The following MAPK8 variants were observed in gnomAD, a reference collection of about 807,000 sequenced individuals.
MAPK8 encodes mitogen-activated protein kinase 8.
MAPK8 carries 13 observed loss-of-function variants against 52.9 expected under a neutral mutation model. That is an observed-to-expected ratio of 0.25 (90% CI 0.16 to 0.39). The LOEUF (loss-of-function observed/expected upper bound fraction) is 0.39, where lower values mean the gene tolerates loss of function less well. MAPK8 is among the 10% of genes least tolerant of loss of function. MAPK8 has a pLI of 1.00. For missense variants in MAPK8, 300 were observed against 519.2 expected (o/e 0.58, Z 4.10); for synonymous variants, 191 against 169.8 (o/e 1.12, Z -0.97).
At chr10:48,389,183 G>A (rs2041490451) in intron 1 of MAPK8, among the ~76,000 whole-genome samples, 1 of 152,114 alleles carries the variant, frequency 6.6e-6, no homozygotes, top group Non-Finnish European at 1.5e-5. Flanking sequence ...AGATGCATTT[G>A]TATGGTGGCA....
chr10:48,310,509 T>A (rs902403225), intron 1 of MAPK8, among the ~76,000 whole-genome samples: 20 of 152,206 alleles, frequency 1.3e-4, no homozygotes, highest in Admixed American at 1.2e-3. Context: ...TTCCACAGCA[T>A]CATGCCTTCT....
chr10:48,382,015 G>A (rs1022397501), intron 1 of MAPK8, among the ~76,000 whole-genome samples: 2 of 152,140 alleles, frequency 1.3e-5, no homozygotes, highest in Non-Finnish European at 2.9e-5. Context: ...TGAAGATAAT[G>A]TCTGACTCTT....
chr10:48,340,818 A>G (rs1256971014), intron 1 of MAPK8, among the ~76,000 whole-genome samples: 3 of 152,104 alleles, frequency 2.0e-5, no homozygotes, highest in Non-Finnish European at 4.4e-5. Context: ...TATTCTCTGA[A>G]TCTCTCTCTT....
rs186785368 is a variant in MAPK8, at chr10:48,349,480, A to T, written c.-50+42659A>T. ...GATTAAGAAACTCGCTCAAAACCAC[A>T]CAACTACATGGAAACCGAACAACTT... On this transcript the variant is annotated intron_variant, in intron 1 of 11. Coordinates refer to ENST00000374189, the MANE Select transcript of MAPK8 (RefSeq NM_001323329.2). Among the ~76,000 whole-genome samples the T allele has an allele frequency of 6.5e-4, 99 of 152,322 alleles. 1 individual carries two copies. The East Asian group carries it at 0.017, about 27-fold the overall frequency.
At chr10:48,429,004 T>C (rs2043930146) in intron 10 of MAPK8, among the ~76,000 whole-genome samples, 1 of 151,728 alleles carries the variant, frequency 6.6e-6, no homozygotes, top group Non-Finnish European at 1.5e-5. Context: ...TTTTTTTTTT[T>C]TGAGACAGGG....
At chr10:48,325,533 G>T (rs540370127) in intron 1 of MAPK8, among the ~76,000 whole-genome samples, 94 of 152,074 alleles carry the variant, frequency 6.2e-4, no homozygotes, top group African/African-American at 2.1e-3. Context: ...GTCTTCATTT[G>T]TAGAAGTTTT....
chr10:48,416,475 C>T (rs2043070205), intron 5 of MAPK8, among the ~76,000 whole-genome samples: 1 of 152,146 alleles, frequency 6.6e-6, no homozygotes, highest in African/African-American at 2.4e-5. Context: ...TCCTTTGCTC[C>T]CTTTATTCCA....
At position 48,419,403 on chromosome 10, in the gene MAPK8, A is replaced by G. The variant is rs150337299; in HGVS notation, c.451-752A>G. On this transcript the variant is annotated intron_variant, in intron 5 of 11. Transcript: ENST00000374189. Reference sequence around the variant, plus strand: ...TCAAAGCTAACAGGCAAAGTATGTTAAACATGAAGCCATGAGTGTTTATGC... The same window carrying G: ...TCAAAGCTAACAGGCAAAGTATGTTGAACATGAAGCCATGAGTGTTTATGC... Among the ~76,000 whole-genome samples, 499 of 152,336 alleles carry G rather than the reference A, an allele frequency of 3.3e-3. 4 individuals are homozygous for G. The highest frequency in any genetic ancestry group is 0.011 in the African/African-American group (464 of 41,586).
chr10:48,348,175 C>A (rs533475789), intron 1 of MAPK8, among the ~76,000 whole-genome samples: 1 of 152,328 alleles, frequency 6.6e-6, no homozygotes, highest in African/African-American at 2.4e-5. Flanking sequence ...TGTTTGTTGG[C>A]TGCATAAATG....
At chr10:48,352,424 C>G (rs939258013) in intron 1 of MAPK8, among the ~76,000 whole-genome samples, 1 of 151,916 alleles carries the variant, frequency 6.6e-6, no homozygotes, top group Non-Finnish European at 1.5e-5. Flanking sequence ...GAATTAAACA[C>G]AATGACCAAG....
chr10:48,330,364 A>G (rs1177026626), intron 1 of MAPK8, among the ~76,000 whole-genome samples: 1 of 152,242 alleles, frequency 6.6e-6, no homozygotes, highest in Non-Finnish European at 1.5e-5. Flanking sequence ...ATGTTTTCAT[A>G]TAATACTAGA....
chr10:48,375,329 C>T (rs2040589955), intron 1 of MAPK8, among the ~76,000 whole-genome samples: 1 of 152,136 alleles, frequency 6.6e-6, no homozygotes. Context: ...AAAACCGGCA[C>T]AAGACAAGGA....
chr10:48,315,652 A>G (rs929168693), intron 1 of MAPK8, among the ~76,000 whole-genome samples: 3 of 118,960 alleles, frequency 2.5e-5, no homozygotes, highest in African/African-American at 9.5e-5. Context: ...TTTATCTTCT[A>G]TCTGGTTATA....
chr10:48,409,169 C>G (rs994593984), intron 3 of MAPK8, among the ~76,000 whole-genome samples: 4 of 152,082 alleles, frequency 2.6e-5, no homozygotes, highest in African/African-American at 9.7e-5. Flanking sequence ...TGTTAGTCTT[C>G]AAGCTGTTTA....
intron 5 of MAPK8, among the ~76,000 whole-genome samples, chr10:48,417,883 A>G (rs951207918): frequency 3.3e-5 from 5 of 152,226 alleles, no homozygotes; most frequent in South Asian, 4.1e-4. Context: ...TTTAAATGCA[A>G]CCAGTAGCTA....
chr10:48,416,675 A>G (rs1316636066), intron 5 of MAPK8, among the ~76,000 whole-genome samples: 1 of 152,164 alleles, frequency 6.6e-6, no homozygotes, highest in Non-Finnish European at 1.5e-5. Context: ...ATCACAGTGA[A>G]CAATCCCATT....
chr10:48,367,374 A>AAAATAAAT (rs140011193), intron 1 of MAPK8, among the ~76,000 whole-genome samples: 1 of 150,786 alleles, frequency 6.6e-6, no homozygotes. Context: ...TTAAAAATTA[A>AAAATAAAT]AAATAAATAA....
chr10:48,419,252 C>T (rs1446733535), intron 5 of MAPK8, among the ~76,000 whole-genome samples: 1 of 152,112 alleles, frequency 6.6e-6, no homozygotes, highest in Non-Finnish European at 1.5e-5. Context: ...AGGCTATTTT[C>T]CTTTTTTGTA....
In MAPK8 at chr10:48,435,491, CAATGA is replaced by C. The variant is rs2044782795; in HGVS notation, c.*466_*470del. On this transcript the variant is annotated 3_prime_UTR_variant, in exon 12 of 12. Transcript: ENST00000374189. Reference sequence around the variant, plus strand: ...CTATCCTTCAGGGTTATGTGCTTATCAATGAAATAACCCCAGAGGAGTGAGGGAAA... The same window carrying C: ...CTATCCTTCAGGGTTATGTGCTTATCAATAACCCCAGAGGAGTGAGGGAAA... 1 of 152,340 alleles carries C rather than the reference CAATGA, an allele frequency of 6.6e-6. No homozygotes were observed. The highest frequency in any genetic ancestry group is 1.5e-5 in the Non-Finnish European group (1 of 68,236). The allele number at this position is 152,340 out of a possible 1,614,324, so 9.4% of individuals were successfully genotyped here.
Sources: gnomAD v4.1 joint callset for allele counts (sites outside exome capture counted in the v4.1 genomes callset) on GRCh38, gnomAD v4.1.1 for gene constraint, MANE v1.5 for transcripts, NCBI Gene and HGNC (gene_info 2026-07-23, HGNC 2026-07-21) for gene names.